Variants in AFF2 observed in about 807,000 individuals in gnomAD.
The protein encoded by AFF2 is ALF transcription elongation factor 2.
Under a neutral mutation model 76.9 loss-of-function variants are expected in AFF2, and 14 were observed. The ratio of observed to expected loss-of-function variants is 0.18; its 90% CI spans 0.12 to 0.28. The LOEUF (loss-of-function observed/expected upper bound fraction) is 0.28. AFF2 is among the 10% of genes least tolerant of loss of function. AFF2 has a pLI of 1.00. For synonymous variants in AFF2, 398 were observed against 366.7 expected (o/e 1.09, Z -0.98); for missense variants, 868 against 1,001.1 (o/e 0.87, Z 1.79).
chrX:148,823,329 T>C (rs186595457), intron 4 of AFF2, among the ~76,000 whole-genome samples: 62 of 112,120 alleles, frequency 5.5e-4, no homozygotes, highest in African/African-American at 2.0e-3. Context: ...CTCTTAACCA[T>C]TGTGTGCTTC....
intron 8 of AFF2, among the ~76,000 whole-genome samples, chrX:148,887,779 G>A (rs782077807): frequency 6.3e-5 from 7 of 111,572 alleles, no homozygotes; most frequent in Admixed American, 5.7e-4. Context: ...CTAAGGTGAG[G>A]CAAAATGACA....
intron 1 of AFF2, among the ~76,000 whole-genome samples, chrX:148,598,409 CCAAA>C (rs1166040148): frequency 5.4e-5 from 6 of 111,418 alleles, no homozygotes; most frequent in African/African-American, 2.0e-4. Context: ...AAAATAAAAC[CCAAA>C]CAAACAAAAA....
Position 148,955,742 on chromosome X carries a change from T to C in AFF2, c.1697T>C (p.Met566Thr), listed in dbSNP as rs183626057. The C allele has an allele frequency of 2.1e-4, 260 of 1,209,744 alleles. 2 individuals carry two copies. In the Admixed American group the frequency reaches 5.6e-3, roughly 26 times the overall value. The change falls in exon 11 of 21, where the codon ATG (methionine) becomes ACG (threonine). Residue 566 changes from methionine (M) to threonine (T), a missense_variant. By Grantham distance (81) the Met-to-Thr change is moderately conservative. Transcript: ENST00000370460. The part of the protein sequence containing the change: ...ISLPPPIIQP[M>T]EVQMKVKTNA... Reference sequence around the variant, plus strand: ...CTGCCTCCTCCAATCATCCAACCAATGGAAGTCCAGATGAAAGTGAAGACG... The same window carrying C: ...CTGCCTCCTCCAATCATCCAACCAACGGAAGTCCAGATGAAAGTGAAGACG...
At chrX:148,553,553 A>G (rs1460746315) in intron 1 of AFF2, among the ~76,000 whole-genome samples, 1 of 111,799 alleles carries the variant, frequency 8.9e-6, no homozygotes, top group African/African-American at 3.3e-5. Context: ...AAAGGGGTAT[A>G]AAGTGCTCAG....
chrX:148,849,308 T>C (rs2070703137), intron 7 of AFF2, among the ~76,000 whole-genome samples: 1 of 102,406 alleles, frequency 9.8e-6, no homozygotes. Flanking sequence ...AAGATTTGTG[T>C]ATCTCAGATG....
At chrX:148,586,743 A>G (rs1209893206) in intron 1 of AFF2, among the ~76,000 whole-genome samples, 3 of 111,599 alleles carry the variant, frequency 2.7e-5, no homozygotes, top group African/African-American at 9.8e-5. Context: ...ATATCAATAG[A>G]CAGTTTAAAC....
At chrX:148,714,175 A>G (rs920003236) in intron 3 of AFF2, among the ~76,000 whole-genome samples, 15 of 111,755 alleles carry the variant, frequency 1.3e-4, no homozygotes, top group African/African-American at 4.5e-4. Flanking sequence ...AGAGCATTCC[A>G]TTTCTATGAT....
intron 2 of AFF2, among the ~76,000 whole-genome samples, chrX:148,661,188 A>G (rs1050870172): frequency 4.4e-5 from 5 of 112,643 alleles, no homozygotes; most frequent in Non-Finnish European, 9.4e-5. Context: ...TAATCATTGA[A>G]AAGACACAGA....
intron 3 of AFF2, among the ~76,000 whole-genome samples, chrX:148,784,865 C>T (rs1220237937): frequency 1.8e-5 from 2 of 111,239 alleles, no homozygotes; most frequent in Admixed American, 9.5e-5. Context: ...GGCTCCCAAA[C>T]GGCTCACTGT....
At chrX:148,504,659 A>T (rs1174112672) in intron 1 of AFF2, among the ~76,000 whole-genome samples, 1 of 113,100 alleles carries the variant, frequency 8.8e-6, no homozygotes, top group Non-Finnish European at 1.9e-5. Context: ...CCTCCGGTAA[A>T]GGCAGCCCCC....
chrX:148,813,898 A>G (rs191778141), intron 4 of AFF2, among the ~76,000 whole-genome samples: 2 of 112,153 alleles, frequency 1.8e-5, no homozygotes, highest in Non-Finnish European at 3.8e-5. Context: ...TTTTCACCAA[A>G]CTGACCTTCT....
chrX:148,943,779 C>A (rs782529042), intron 9 of AFF2, among the ~76,000 whole-genome samples: 1 of 112,048 alleles, frequency 8.9e-6, no homozygotes, highest in South Asian at 3.7e-4. Context: ...GAGAAGACTT[C>A]TTTGTGGCTT....
intron 1 of AFF2, among the ~76,000 whole-genome samples, chrX:148,558,821 A>G (rs1342372990): frequency 4.5e-5 from 5 of 111,821 alleles, no homozygotes; most frequent in South Asian, 7.5e-4. Flanking sequence ...AATGGATGCC[A>G]TTCAATTTTC....
At chrX:148,704,456 A>G (rs868973672) in intron 3 of AFF2, among the ~76,000 whole-genome samples, 1 of 20,061 alleles carries the variant, frequency 5.0e-5, no homozygotes, top group Admixed American at 8.4e-4. Flanking sequence ...ATATTTATAT[A>G]TGTGTATATA....
At chrX:148,603,648 C>A (rs922810037) in intron 1 of AFF2, among the ~76,000 whole-genome samples, 1 of 110,313 alleles carries the variant, frequency 9.1e-6, no homozygotes, top group Non-Finnish European at 1.9e-5. Context: ...TGCAGTGAGC[C>A]GTTTCAGTGG....
intron 1 of AFF2, among the ~76,000 whole-genome samples, chrX:148,641,382 G>T (rs1557254676): frequency 8.9e-6 from 1 of 111,833 alleles, no homozygotes; most frequent in East Asian, 2.8e-4. Context: ...TCTAGTGACA[G>T]TTTCATTTAA....
intron 1 of AFF2, among the ~76,000 whole-genome samples, chrX:148,639,955 TAGAG>T (rs201211953): frequency 0.045 from 5,050 of 111,846 alleles, 299 homozygotes; most frequent in African/African-American, 0.16. Context: ...CTAATGCAGA[TAGAG>T]AAAGGAGCTG....
intron 1 of AFF2, among the ~76,000 whole-genome samples, chrX:148,593,539 A>G (rs1160232294): frequency 8.9e-6 from 1 of 111,981 alleles, no homozygotes; most frequent in African/African-American, 3.3e-5. Flanking sequence ...GCCAGAGATG[A>G]GACCACTGGT....
intron 3 of AFF2, among the ~76,000 whole-genome samples, chrX:148,668,589 A>T (rs2054384684): frequency 8.9e-6 from 1 of 112,559 alleles, no homozygotes; most frequent in Non-Finnish European, 1.9e-5. Flanking sequence ...CAGGCTCAAC[A>T]GCATGTGGAA....
Sources: allele counts gnomAD v4.1 joint callset (sites outside exome capture counted in the v4.1 genomes callset), GRCh38; gene constraint gnomAD v4.1.1; transcripts MANE v1.5; gene names NCBI Gene and HGNC (gene_info 2026-07-23, HGNC 2026-07-21).